TMEM163: variants seen among roughly 807,000 people sequenced by gnomAD.
TMEM163 encodes the protein transmembrane protein 163.
A neutral mutation model predicts 29.3 loss-of-function variants in TMEM163; 17 were observed. That is an observed-to-expected ratio of 0.58 (90% CI 0.40 to 0.87). The LOEUF is 0.87. Ranked by LOEUF, TMEM163 falls within the 40% of genes least tolerant of loss-of-function variation. The pLI is 0.00. For synonymous variants in TMEM163, 157 were observed against 160.6 expected (o/e 0.98, Z 0.17); for missense variants, 303 against 381.5 (o/e 0.79, Z 1.71).
At chr2:134,570,972 A>G (rs1681408691) in intron 2 of TMEM163, among the ~76,000 whole-genome samples, 1 of 152,246 alleles carries the variant, frequency 6.6e-6, no homozygotes, top group African/African-American at 2.4e-5. Context: ...AACTAACATG[A>G]GGATTTCCAT....
intron 2 of TMEM163, among the ~76,000 whole-genome samples, chr2:134,583,168 C>T (rs1681733757): frequency 6.6e-6 from 1 of 152,200 alleles, no homozygotes; most frequent in Non-Finnish European, 1.5e-5. Flanking sequence ...TCCAGCTACC[C>T]AGATTTGAAT....
At chr2:134,593,014 C>T (rs77556429) in intron 2 of TMEM163, among the ~76,000 whole-genome samples, 2 of 152,120 alleles carry the variant, frequency 1.3e-5, no homozygotes, top group Non-Finnish European at 2.9e-5. Context: ...GCTCCAGGAG[C>T]TTCTGTTTTA....
chr2:134,498,495 A>T (rs549370557), intron 5 of TMEM163, among the ~76,000 whole-genome samples: 4 of 149,200 alleles, frequency 2.7e-5, no homozygotes, highest in East Asian at 4.0e-4. Flanking sequence ...TAATTTATTT[A>T]TTTTTTTTGT....
intron 2 of TMEM163, among the ~76,000 whole-genome samples, chr2:134,668,053 T>C (rs1369478275): frequency 1.3e-5 from 2 of 152,144 alleles, no homozygotes; most frequent in African/African-American, 4.8e-5. Context: ...TCTGCATCTG[T>C]AGATACTAAG....
At chr2:134,639,926 C>T (rs1288892964) in intron 2 of TMEM163, among the ~76,000 whole-genome samples, 1 of 152,166 alleles carries the variant, frequency 6.6e-6, no homozygotes, top group Non-Finnish European at 1.5e-5. Flanking sequence ...ATTAAATTAT[C>T]TTCTTACTCA....
chr2:134,672,735 A>T (rs192136216), intron 2 of TMEM163, among the ~76,000 whole-genome samples: 1 of 151,992 alleles, frequency 6.6e-6, no homozygotes, highest in Non-Finnish European at 1.5e-5. Context: ...CCTGCTCACC[A>T]TCTATATCCC....
At chr2:134,572,127 G>GA (rs1044840895) in intron 2 of TMEM163, among the ~76,000 whole-genome samples, 15 of 152,138 alleles carry the variant, frequency 9.9e-5, no homozygotes, top group African/African-American at 3.6e-4. Context: ...TTCCTCACAT[G>GA]AAAAAGAGAA....
At chr2:134,536,622 T>C (rs1680545723) in intron 4 of TMEM163, among the ~76,000 whole-genome samples, 1 of 152,068 alleles carries the variant, frequency 6.6e-6, no homozygotes, top group South Asian at 2.1e-4. Context: ...CCTATAAAAC[T>C]GGAAGAGCGA....
intron 5 of TMEM163, among the ~76,000 whole-genome samples, chr2:134,482,639 C>G (rs1274462148): frequency 6.6e-6 from 1 of 152,160 alleles, no homozygotes; most frequent in Non-Finnish European, 1.5e-5. Flanking sequence ...CTTTTCATCA[C>G]CACTTTCCCC....
At chr2:134,588,462 G>C (rs540079469) in intron 2 of TMEM163, among the ~76,000 whole-genome samples, 1 of 152,240 alleles carries the variant, frequency 6.6e-6, no homozygotes, top group South Asian at 2.1e-4. Context: ...TCCTAAACCC[G>C]ATGAAACTGG....
intron 2 of TMEM163, among the ~76,000 whole-genome samples, chr2:134,655,267 A>T (rs1683572280): frequency 7.3e-6 from 1 of 137,228 alleles, no homozygotes; most frequent in Non-Finnish European, 1.5e-5. Context: ...TTTTTTCTCT[A>T]ACCTTCCCTT....
Position 134,718,945 on chromosome 2 carries a change from C to T in TMEM163, c.-10G>A. 9.6e-7 allele frequency: 1 copy of T among 1,039,374 alleles called. No homozygotes were observed. Among genetic ancestry groups the T allele is most frequent in the East Asian group, 8.4e-5 (1 of 11,872 alleles). 64.4% of individuals were successfully genotyped at this position (1,039,374 alleles called of 1,614,324 possible). On this transcript the variant is annotated 5_prime_UTR_variant, in exon 1 of 8. Coordinates refer to ENST00000281924, the MANE Select transcript of TMEM163 (RefSeq NM_030923.5). ...CCGCGGCCGGCTCCATGGCGCGGGGCTGCGGATCCCGGCGGCGGCGACGAC... is the reference window on the plus strand; with the variant it reads ...CCGCGGCCGGCTCCATGGCGCGGGGTTGCGGATCCCGGCGGCGGCGACGAC...
At chr2:134,525,832 C>G (rs1355371392) in intron 4 of TMEM163, among the ~76,000 whole-genome samples, 1 of 152,346 alleles carries the variant, frequency 6.6e-6, no homozygotes, top group South Asian at 2.1e-4. Flanking sequence ...GTCTCCCAGA[C>G]CTGGGGGTGT....
At chr2:134,518,074 G>T (rs1680114055) in intron 4 of TMEM163, among the ~76,000 whole-genome samples, 1 of 152,142 alleles carries the variant, frequency 6.6e-6, no homozygotes, top group Non-Finnish European at 1.5e-5. Context: ...GGATAATACA[G>T]AAAGCAGAAG....
chr2:134,530,589 T>C (rs1264218999), intron 4 of TMEM163, among the ~76,000 whole-genome samples: 1 of 152,082 alleles, frequency 6.6e-6, no homozygotes, highest in Non-Finnish European at 1.5e-5. Flanking sequence ...CTTCCCAATA[T>C]AAAATGGGCC....
In TMEM163 at chr2:134,581,634, C is replaced by G. The variant is rs868856251; in HGVS notation, c.323-29543G>C. Among the ~76,000 whole-genome samples the G allele has an allele frequency of 1.4e-4, 22 of 151,750 alleles. 1 individual carries two copies. The highest frequency in any genetic ancestry group is 4.6e-4 in the African/African-American group (19 of 41,316). On this transcript the variant is annotated intron_variant, in intron 2 of 7. Transcript: ENST00000281924. ...ACATTCTTCATGCTCTTTATGGGGGCGGGGGGGAGATGAATTTTATGAGGT... is the reference window on the plus strand; with the variant it reads ...ACATTCTTCATGCTCTTTATGGGGGGGGGGGGGAGATGAATTTTATGAGGT...
At chr2:134,621,480 A>G (rs1558967458) in intron 2 of TMEM163, among the ~76,000 whole-genome samples, 1 of 152,244 alleles carries the variant, frequency 6.6e-6, no homozygotes, top group Non-Finnish European at 1.5e-5. Context: ...CTAAGTATTT[A>G]TCCAAGAGAA....
chr2:134,686,997 G>A (rs1191664590), intron 2 of TMEM163, among the ~76,000 whole-genome samples: 3 of 152,148 alleles, frequency 2.0e-5, no homozygotes, highest in Admixed American at 2.0e-4. Context: ...TTTTCACAAT[G>A]GGCAATAAGC....
chr2:134,568,595 AAAAG>A (rs1681350937), intron 2 of TMEM163, among the ~76,000 whole-genome samples: 1 of 151,630 alleles, frequency 6.6e-6, no homozygotes, highest in Non-Finnish European at 1.5e-5. Context: ...AAGGAAAAGA[AAAAG>A]GAAAGAAAGA....
Sources: allele counts gnomAD v4.1 joint callset (sites outside exome capture counted in the v4.1 genomes callset), GRCh38; gene constraint gnomAD v4.1.1; transcripts MANE v1.5; gene names NCBI Gene and HGNC (gene_info 2026-07-23, HGNC 2026-07-21).